LRP12: variants seen among roughly 807,000 people sequenced by gnomAD.
LRP12 encodes the protein LDL receptor related protein 12, also known as low-density lipoprotein receptor-related protein 12.
A neutral mutation model predicts 66.0 loss-of-function variants in LRP12; 14 were observed. That is an observed-to-expected ratio of 0.21 (90% CI 0.14 to 0.33). The LOEUF is 0.33. Among genes scored for constraint, LRP12 ranks in the 10% least tolerant of loss-of-function variants. The probability of loss-of-function intolerance (pLI) is 1.00; values close to 1 mark genes in which losing one functional copy is unlikely to be tolerated. For missense variants in LRP12, 889 were observed against 1,053.4 expected (o/e 0.84, Z 2.16); for synonymous variants, 357 against 359.1 (o/e 0.99, Z 0.07).
chr8:104,495,464 CT>C (rs1810709015), intron 5 of LRP12: 1 of 351,294 alleles, frequency 2.8e-6, no homozygotes, highest in Admixed American at 4.3e-5. Flanking sequence ...ATGAAAATCC[CT>C]GTAAAAGGTA....
intron 1 of LRP12, among the ~76,000 whole-genome samples, chr8:104,582,164 A>C (rs1015178151): frequency 6.6e-6 from 1 of 152,180 alleles, no homozygotes; most frequent in Non-Finnish European, 1.5e-5. Context: ...TTCTCTAAAA[A>C]CTGAAATGTA....
chr8:104,555,146 G>C (rs1435868488), intron 1 of LRP12, among the ~76,000 whole-genome samples: 1 of 152,046 alleles, frequency 6.6e-6, no homozygotes, highest in Non-Finnish European at 1.5e-5. Context: ...ACCAATCCTT[G>C]AAATATACCA....
intron 1 of LRP12, among the ~76,000 whole-genome samples, chr8:104,588,433 C>CG (rs985292578): frequency 1.3e-4 from 20 of 152,156 alleles, no homozygotes; most frequent in African/African-American, 4.6e-4. Flanking sequence ...CCGGCAGCGG[C>CG]GGGGGCGAGC....
chr8:104,588,947 G>A lies in LRP12; in HGVS notation c.-50C>T, dbSNP rs1812383863. 7.2e-7 allele frequency: 1 copy of A among 1,391,618 alleles called. No homozygotes were observed. The highest frequency in any genetic ancestry group is 9.8e-7 in the Non-Finnish European group (1 of 1,017,380). The allele number at this position is 1,391,618 out of a possible 1,614,324, so 86.2% of individuals were successfully genotyped here. On this transcript the variant is annotated 5_prime_UTR_variant, in exon 1 of 7. Coordinates refer to ENST00000276654, the MANE Select transcript of LRP12 (RefSeq NM_013437.5). ...GGAGGAGACGGAGGAGGAGGGAGGA[G>A]AAGCTGGAGGTAGACGACGCCGACG...
chr8:104,549,120 T>C (rs1811687511), intron 1 of LRP12, among the ~76,000 whole-genome samples: 1 of 152,086 alleles, frequency 6.6e-6, no homozygotes, highest in African/African-American at 2.4e-5. Flanking sequence ...CTCTTAAATA[T>C]ACATTCAAGT....
In LRP12 at chr8:104,540,276, C is replaced by T. The variant is rs375459317; in HGVS notation, c.80-8313G>A. Among the ~76,000 whole-genome samples, 38 of 152,268 alleles carry T rather than the reference C, an allele frequency of 2.5e-4. No individual in the cohort carries two copies. In the East Asian group the frequency reaches 6.6e-3, roughly 26 times the overall value. Reference sequence around the variant, plus strand: ...CCATACCAGAAACCAACCCTGACAACACCTAAATCTTGGACTTCTAGCCTC... The same window carrying T: ...CCATACCAGAAACCAACCCTGACAATACCTAAATCTTGGACTTCTAGCCTC... On this transcript the variant is annotated intron_variant, in intron 1 of 6. Coordinates refer to ENST00000276654, the MANE Select transcript of LRP12 (RefSeq NM_013437.5).
intron 2 of LRP12, among the ~76,000 whole-genome samples, chr8:104,526,412 C>G (rs891538285): frequency 6.0e-5 from 9 of 150,508 alleles, no homozygotes; most frequent in African/African-American, 2.2e-4. Context: ...GGAGGCATCA[C>G]GCTACCTGAC....
At chr8:104,491,754 G>T (rs1451610676) in intron 6 of LRP12, among the ~76,000 whole-genome samples, 1 of 152,032 alleles carries the variant, frequency 6.6e-6, no homozygotes, top group Non-Finnish European at 1.5e-5. Flanking sequence ...ATCATTGTTT[G>T]TTTAAACTTT....
At chr8:104,575,830 C>T (rs1294450325) in intron 1 of LRP12, among the ~76,000 whole-genome samples, 1 of 151,988 alleles carries the variant, frequency 6.6e-6, no homozygotes, top group Non-Finnish European at 1.5e-5. Context: ...GATCACTGGG[C>T]TACAGGAGTA....
At chr8:104,549,697 C>T (rs770480475) in intron 1 of LRP12, among the ~76,000 whole-genome samples, 6 of 152,252 alleles carry the variant, frequency 3.9e-5, no homozygotes, top group Admixed American at 1.3e-4. Flanking sequence ...CCCCCGAGCC[C>T]GGCCTCCACT....
At chr8:104,573,068 G>T (rs542186478) in intron 1 of LRP12, among the ~76,000 whole-genome samples, 4 of 152,082 alleles carry the variant, frequency 2.6e-5, no homozygotes, top group Non-Finnish European at 5.9e-5. Flanking sequence ...CTTAATACTC[G>T]ATTGTATTTT....
At position 104,532,776 on chromosome 8, in the gene LRP12, G is replaced by C. The variant is rs560731570; in HGVS notation, c.80-813C>G. Among the ~76,000 whole-genome samples, 20 of 152,234 alleles carry C rather than the reference G, an allele frequency of 1.3e-4. No homozygotes were observed. The South Asian group carries it at 1.7e-3, about 13-fold the overall frequency. ...AAGTATCACACTTCTATAATTGCTT[G>C]AATATTGTATTGCACCCCCCACCCC... On this transcript the variant is annotated intron_variant, in intron 1 of 6. Coordinates refer to ENST00000276654, the MANE Select transcript of LRP12 (RefSeq NM_013437.5).
At chr8:104,564,713 T>C (rs1423194868) in intron 1 of LRP12, among the ~76,000 whole-genome samples, 1 of 151,818 alleles carries the variant, frequency 6.6e-6, no homozygotes, top group Non-Finnish European at 1.5e-5. Flanking sequence ...GGCAGATCAC[T>C]TGAGGTCAGG....
intron 2 of LRP12, among the ~76,000 whole-genome samples, chr8:104,517,609 G>A (rs976813746): frequency 6.6e-6 from 1 of 151,984 alleles, no homozygotes; most frequent in African/African-American, 2.4e-5. Context: ...AAAGTTTCAC[G>A]ACAGCAAAAT....
intron 1 of LRP12, among the ~76,000 whole-genome samples, chr8:104,575,842 G>A (rs552964706): frequency 9.2e-5 from 14 of 152,210 alleles, no homozygotes; most frequent in Non-Finnish European, 1.5e-4. Flanking sequence ...ACAGGAGTAC[G>A]TTGAAACCCA....
intron 1 of LRP12, among the ~76,000 whole-genome samples, chr8:104,586,780 G>T (rs1343906970): frequency 6.6e-6 from 1 of 152,060 alleles, no homozygotes; most frequent in Non-Finnish European, 1.5e-5. Flanking sequence ...CAGGGTGAAG[G>T]GTTCCCTTTA....
intron 1 of LRP12, among the ~76,000 whole-genome samples, chr8:104,552,605 A>G (rs776768494): frequency 6.6e-6 from 1 of 152,128 alleles, no homozygotes; most frequent in African/African-American, 2.4e-5. Flanking sequence ...ATGGAACCTT[A>G]AAGTACTATC....
At position 104,497,732 on chromosome 8, in the gene LRP12, T is replaced by G. The variant is rs1042250757; in HGVS notation, c.820A>C (p.Asn274His). Residue 274 changes from asparagine (N) to histidine (H), a missense_variant, in exon 5 of 7, where the codon AAT becomes CAT. Asn to His is a moderately conservative substitution (Grantham distance 68). Coordinates refer to ENST00000276654, the MANE Select transcript of LRP12 (RefSeq NM_013437.5). The surrounding 1 kb of genome is among the most constrained non-coding windows in gnomAD (Gnocchi z 4.3). ...KYFYGTFNSP[N>H]YPDFYPPGSN... ...CCAGGAGGATAAAAGTCTGGATAATTGGGAGAATTAAAAGTACCATAAAAA... is the reference window on the plus strand; with the variant it reads ...CCAGGAGGATAAAAGTCTGGATAATGGGGAGAATTAAAAGTACCATAAAAA... The G allele has an allele frequency of 3.1e-6, 5 of 1,613,622 alleles. No individual in the cohort carries two copies. Among genetic ancestry groups the G allele is most frequent in the Non-Finnish European group, 4.2e-6 (5 of 1,179,858 alleles).
chr8:104,588,691 G>A, intron 1 of LRP12, 128 bp downstream of exon 1: 2 of 670,514 alleles, frequency 3.0e-6, no homozygotes, highest in Admixed American at 2.9e-5. Context: ...CCCCCTCACC[G>A]GTCTTTGTCC....
Sources: allele counts gnomAD v4.1 joint callset (sites outside exome capture counted in the v4.1 genomes callset), GRCh38; gene constraint gnomAD v4.1.1; non-coding constraint Gnocchi (gnomAD v3.1); transcripts MANE v1.5; gene names NCBI Gene and HGNC (gene_info 2026-07-23, HGNC 2026-07-21).